Variants in VRK2 observed in about 807,000 individuals in gnomAD.
VRK2 encodes serine/threonine-protein kinase VRK2.
Under a neutral mutation model 57.6 loss-of-function variants are expected in VRK2, and 60 were observed. The ratio of observed to expected loss-of-function variants is 1.04; its 90% CI spans 0.85 to 1.29. The LOEUF is 1.29. VRK2 is among the 50% of genes most tolerant of loss of function. The pLI is 0.00. For missense variants in VRK2, 705 were observed against 588.1 expected, an observed-to-expected ratio of 1.20 and a Z score of -2.06; for synonymous variants, 231 against 199.2, an observed-to-expected ratio of 1.16 and a Z score of -1.35.
intron 7 of VRK2, among the ~76,000 whole-genome samples, chr2:58,102,489 A>G (rs1312735272): frequency 1.4e-5 from 2 of 146,988 alleles, no homozygotes; most frequent in African/African-American, 5.2e-5. Context: ...AATCAAAAAC[A>G]GTTAAAAAAA....
At chr2:58,152,394 G>C (rs923642377) in intron 12 of VRK2, among the ~76,000 whole-genome samples, 14 of 151,608 alleles carry the variant, frequency 9.2e-5, no homozygotes, top group Non-Finnish European at 1.9e-4. Context: ...CTCATCCTTT[G>C]TGCTATTGTT....
rs1558687640 is a variant in VRK2, at chr2:58,137,253, T to TAC, written c.856+2055_856+2056insCA. 3.4e-4 allele frequency among the ~76,000 whole-genome samples: 39 copies of TAC among 115,416 alleles called. 1 individual carries two copies. The highest frequency in any genetic ancestry group is 1.2e-3 in the African/African-American group (36 of 31,268). The allele number at this position is 115,416 out of a possible 152,430, so 75.7% of individuals were successfully genotyped here. A position where few individuals can be genotyped will look rare whatever the true frequency, so the allele number is the denominator to read the frequency against. On this transcript the variant is annotated intron_variant, in intron 10 of 12. Coordinates refer to ENST00000340157, the MANE Select transcript of VRK2 (RefSeq NM_006296.7). ...TGATACATATATATCATATATATGA[T>TAC]ATATATGATATATATGTGTTTGTAT... is the stretch of plus-strand genomic sequence containing the variant.
intron 1 of VRK2, among the ~76,000 whole-genome samples, chr2:57,952,436 A>G (rs1471477454): frequency 6.6e-6 from 1 of 152,222 alleles, no homozygotes; most frequent in Non-Finnish European, 1.5e-5. Flanking sequence ...GAAAGAGGGA[A>G]TTAACATTTT....
At chr2:57,919,444 T>C (rs1670264208) in intron 1 of VRK2, among the ~76,000 whole-genome samples, 1 of 152,110 alleles carries the variant, frequency 6.6e-6, no homozygotes, top group Non-Finnish European at 1.5e-5. Flanking sequence ...TTCTGAGTCC[T>C]GAGGCAATTG....
chr2:58,096,237 T>C (rs1267506872), intron 7 of VRK2, among the ~76,000 whole-genome samples: 1 of 152,106 alleles, frequency 6.6e-6, no homozygotes, highest in Non-Finnish European at 1.5e-5. Flanking sequence ...TCCATAGTTT[T>C]CTAATTTTGT....
chr2:58,135,294 C>G, intron 10 of VRK2, 95 bp downstream of exon 10: 1 of 1,340,058 alleles, frequency 7.5e-7, no homozygotes, highest in Non-Finnish European at 1.1e-6. Flanking sequence ...CCACTTGCTC[C>G]TATTCCCATC....
At chr2:58,017,068 T>A (rs566718191) in intron 1 of VRK2, among the ~76,000 whole-genome samples, 2 of 152,132 alleles carry the variant, frequency 1.3e-5, no homozygotes, top group South Asian at 2.1e-4. Context: ...AATCTGGGAG[T>A]CCCAAGTGGC....
intron 1 of VRK2, among the ~76,000 whole-genome samples, chr2:58,019,731 T>G (rs1471773275): frequency 6.6e-6 from 1 of 152,228 alleles, no homozygotes; most frequent in Non-Finnish European, 1.5e-5. Flanking sequence ...TAACTACTTC[T>G]CAGACAGTAC....
intron 1 of VRK2, among the ~76,000 whole-genome samples, chr2:58,021,052 T>C (rs1301071482): frequency 4.6e-5 from 7 of 152,238 alleles, no homozygotes; most frequent in Admixed American, 4.6e-4. Flanking sequence ...GTAGGTCTAA[T>C]ATCAGCCAGA....
rs377436957 is a variant in VRK2, at chr2:58,159,394, T to A, written c.1228T>A (p.Leu410Met). The A allele has an allele frequency of 1.9e-6, 3 of 1,613,036 alleles. No individual in the cohort carries two copies. Among genetic ancestry groups the A allele is most frequent in the Non-Finnish European group, 2.5e-6 (3 of 1,179,612 alleles). The change falls in exon 13 of 13, where the codon TTG becomes ATG. Residue 410 changes from leucine (L) to methionine (M), a missense_variant. Leu to Met is a conservative substitution (Grantham distance 15). Coordinates refer to ENST00000340157, the MANE Select transcript of VRK2 (RefSeq NM_006296.7). ...RQKYQESQEP[L>M]NEVNSFPQKI... ...GAAATATCAAGAGTCTCAAGAACCT[T>A]TGAATGAAGTAAACAGTTTCCCACA...
At chr2:58,079,048 C>T (rs1416578725) in intron 2 of VRK2, among the ~76,000 whole-genome samples, 3 of 152,082 alleles carry the variant, frequency 2.0e-5, no homozygotes, top group Non-Finnish European at 4.4e-5. Context: ...GTATATTTAC[C>T]TCTTAGGTGA....
intron 1 of VRK2, among the ~76,000 whole-genome samples, chr2:57,933,470 G>A (rs2717021): frequency 0.32 from 47,588 of 150,702 alleles, 8,239 homozygotes; most frequent in East Asian, 0.42. Context: ...CTGCCACCAC[G>A]CCCAGCTAAT....
intron 2 of VRK2, among the ~76,000 whole-genome samples, chr2:58,051,323 A>G (rs1675705460): frequency 6.6e-6 from 1 of 152,212 alleles, no homozygotes; most frequent in African/African-American, 2.4e-5. Flanking sequence ...CTATTTTCAG[A>G]AAAAAGGCTC....
At chr2:58,046,674 C>T (rs1674786469), upstream of VRK2, 2 of 985,478 alleles carry the variant, frequency 2.0e-6, no homozygotes, top group Admixed American at 6.1e-5. Flanking sequence ...CCGGCTGCGG[C>T]CTGTGTGAGG....
At chr2:58,080,997 A>G (rs1670784264) in intron 2 of VRK2, among the ~76,000 whole-genome samples, 1 of 151,982 alleles carries the variant, frequency 6.6e-6, no homozygotes, top group Admixed American at 6.6e-5. Context: ...AATGCTGCCC[A>G]TTAAACTATG....
upstream of VRK2, among the ~76,000 whole-genome samples, chr2:58,043,706 C>T (rs1674557320): frequency 6.6e-6 from 1 of 152,152 alleles, no homozygotes; most frequent in Non-Finnish European, 1.5e-5. Flanking sequence ...GATTCCCCTA[C>T]AAGTCTTTGT....
At chr2:58,059,473 G>A (rs1558579068) in intron 2 of VRK2, among the ~76,000 whole-genome samples, 1 of 151,576 alleles carries the variant, frequency 6.6e-6, no homozygotes, top group Non-Finnish European at 1.5e-5. Flanking sequence ...TTTTTTCATT[G>A]GATAATAATT....
chr2:58,106,949 A>T (rs1674843035), intron 7 of VRK2, among the ~76,000 whole-genome samples: 1 of 152,080 alleles, frequency 6.6e-6, no homozygotes, highest in Non-Finnish European at 1.5e-5. Flanking sequence ...CAAACAAGGC[A>T]GGGAAATTGA....
intron 6 of VRK2, among the ~76,000 whole-genome samples, chr2:58,088,910 G>A (rs950137496): frequency 3.3e-5 from 5 of 152,148 alleles, no homozygotes; most frequent in African/African-American, 9.7e-5. Flanking sequence ...CAGAAGCAAC[G>A]AACTCTTAAT....
Sources: gnomAD v4.1 joint callset for allele counts (sites outside exome capture counted in the v4.1 genomes callset) on GRCh38, gnomAD v4.1.1 for gene constraint, MANE v1.5 for transcripts, NCBI Gene and HGNC (gene_info 2026-07-23, HGNC 2026-07-21) for gene names.